Variants in CCDC178 observed in about 807,000 individuals in gnomAD.
The protein encoded by CCDC178 is coiled-coil domain containing 178.
Under a neutral mutation model 117.4 loss-of-function variants are expected in CCDC178, and 126 were observed. The ratio of observed to expected loss-of-function variants is 1.07; its 90% CI spans 0.93 to 1.24. The LOEUF (loss-of-function observed/expected upper bound fraction) is 1.24, where lower values mean the gene tolerates loss of function less well. CCDC178 is among the 50% of genes most tolerant of loss of function. The pLI, the probability that CCDC178 is intolerant of heterozygous loss-of-function variation, is 0.00. For synonymous variants in CCDC178, 283 were observed against 313.4 expected (o/e 0.90, Z 1.02); for missense variants, 1,030 against 986.9 (o/e 1.04, Z -0.59).
intron 20 of CCDC178, among the ~76,000 whole-genome samples, chr18:33,183,007 A>AT (rs1449627536): frequency 4.6e-5 from 7 of 151,884 alleles, no homozygotes; most frequent in Non-Finnish European, 1.0e-4. Flanking sequence ...TAAAGAATTT[A>AT]TTTTTCTATT....
At chr18:33,425,811 A>G (rs2064115193) in intron 2 of CCDC178, among the ~76,000 whole-genome samples, 1 of 152,190 alleles carries the variant, frequency 6.6e-6, no homozygotes, top group African/African-American at 2.4e-5. Context: ...GTCTAAGTTG[A>G]CATTTCTAGA....
chr18:32,957,272 A>G (rs2054614737), intron 22 of CCDC178, among the ~76,000 whole-genome samples: 2 of 152,216 alleles, frequency 1.3e-5, no homozygotes, highest in African/African-American at 4.8e-5. Context: ...CATATGTTTA[A>G]AAGCCTAGGA....
At chr18:33,097,040 T>C (rs955939159) in intron 20 of CCDC178, among the ~76,000 whole-genome samples, 1 of 152,148 alleles carries the variant, frequency 6.6e-6, no homozygotes, top group African/African-American at 2.4e-5. Context: ...CTCGATGTTT[T>C]TTCCAGAACT....
chr18:33,267,885 A>G (rs966825461), intron 12 of CCDC178, among the ~76,000 whole-genome samples: 29 of 151,602 alleles, frequency 1.9e-4, no homozygotes, highest in Admixed American at 1.1e-3. Context: ...GCTTTTATCT[A>G]TAAGAATAAT....
At chr18:33,204,122 G>A (rs1287935267) in intron 20 of CCDC178, among the ~76,000 whole-genome samples, 1 of 152,010 alleles carries the variant, frequency 6.6e-6, no homozygotes, top group Non-Finnish European at 1.5e-5. Context: ...AGGAATAGTG[G>A]TATCAAATTT....
intron 7 of CCDC178, among the ~76,000 whole-genome samples, chr18:33,350,080 ATT>A (rs1175651595): frequency 6.6e-6 from 1 of 151,876 alleles, no homozygotes; most frequent in Non-Finnish European, 1.5e-5. Flanking sequence ...TGAAAAGTAT[ATT>A]TTTTCTGATT....
At chr18:33,034,969 T>G (rs1200467704) in intron 21 of CCDC178, among the ~76,000 whole-genome samples, 1 of 151,950 alleles carries the variant, frequency 6.6e-6, no homozygotes, top group Non-Finnish European at 1.5e-5. Context: ...GAATAATATA[T>G]TTTTATTCCT....
intron 11 of CCDC178, among the ~76,000 whole-genome samples, chr18:33,319,642 G>C (rs1267051371): frequency 6.6e-6 from 1 of 152,148 alleles, no homozygotes; most frequent in Non-Finnish European, 1.5e-5. Context: ...GGTTGAACTA[G>C]TTTACAGTCC....
At chr18:33,214,295 A>G (rs556577928) in intron 19 of CCDC178, among the ~76,000 whole-genome samples, 1 of 152,220 alleles carries the variant, frequency 6.6e-6, no homozygotes, top group Admixed American at 6.6e-5. Flanking sequence ...ATTATTTGAC[A>G]TTATATACCA....
At chr18:33,190,038 T>TC (rs11452348) in intron 20 of CCDC178, among the ~76,000 whole-genome samples, 24,501 of 151,984 alleles carry the variant, frequency 0.16, 2,751 homozygotes, top group African/African-American at 0.32. Flanking sequence ...AGCCCTAGAC[T>TC]ACCAACCAGT....
intron 21 of CCDC178, among the ~76,000 whole-genome samples, chr18:33,084,990 TA>T (rs926981177): frequency 1.3e-5 from 2 of 152,096 alleles, no homozygotes; most frequent in Non-Finnish European, 2.9e-5. Flanking sequence ...CTTCATTCCT[TA>T]GGGCCTCTGC....
chr18:33,103,424 A>T (rs1316503222), intron 20 of CCDC178, among the ~76,000 whole-genome samples: 2 of 151,634 alleles, frequency 1.3e-5, no homozygotes, highest in East Asian at 3.9e-4. Context: ...TGCTTAATGA[A>T]GTTCCAATTT....
At chr18:33,206,869 C>T (rs2059050604) in intron 20 of CCDC178, among the ~76,000 whole-genome samples, 1 of 152,106 alleles carries the variant, frequency 6.6e-6, no homozygotes, top group Non-Finnish European at 1.5e-5. Context: ...CTAGAAGCCC[C>T]CTGATAAAAT....
chr18:33,075,380 G>T (rs2057186248), intron 21 of CCDC178, among the ~76,000 whole-genome samples: 2 of 151,994 alleles, frequency 1.3e-5, no homozygotes, highest in South Asian at 2.1e-4. Context: ...ATCTATATTT[G>T]CTGTTTGTTC....
At chr18:33,334,960 C>T (rs1224519591) in intron 9 of CCDC178, among the ~76,000 whole-genome samples, 10 of 151,924 alleles carry the variant, frequency 6.6e-5, no homozygotes, top group East Asian at 5.8e-4. Context: ...TTCTTAATGT[C>T]GTCATCACTA....
At chr18:33,057,019 GA>G (rs1359604287) in intron 21 of CCDC178, among the ~76,000 whole-genome samples, 2 of 146,418 alleles carry the variant, frequency 1.4e-5, no homozygotes, top group African/African-American at 5.0e-5. Flanking sequence ...AGTATAGACA[GA>G]AAAAAAGGAA....
intron 4 of CCDC178, among the ~76,000 whole-genome samples, chr18:33,393,794 G>A (rs139559734): frequency 6.6e-6 from 1 of 152,054 alleles, no homozygotes; most frequent in Admixed American, 6.5e-5. Context: ...TTATATGAAT[G>A]GTCTGGGATA....
At chr18:33,397,907 C>G (rs1330254597) in intron 3 of CCDC178, among the ~76,000 whole-genome samples, 1 of 151,702 alleles carries the variant, frequency 6.6e-6, no homozygotes. Context: ...TGTGGTAGTA[C>G]AAAATATTAC....
Position 33,328,082 on chromosome 18 carries a change from G to GTTTTTTTTTTTTTTTTTTTT in CCDC178, c.880-4450_880-4449insAAAAAAAAAAAAAAAAAAAA, listed in dbSNP as rs2062609334. On this transcript the variant is annotated intron_variant, in intron 10 of 22. Coordinates refer to ENST00000383096, the MANE Select transcript of CCDC178 (RefSeq NM_001105528.4). The stretch of plus-strand genomic sequence containing the variant: ...CCAAGGTCATAAAGATTTATCCCTA[G>GTTTTTTTTTTTTTTTTTTTT]ATTTTTTTTTTTTTTTTTTTTTTTT... 25 of 242,060 alleles carry GTTTTTTTTTTTTTTTTTTTT rather than the reference G, an allele frequency of 1.0e-4. 6 individuals carry two copies. The highest frequency in any genetic ancestry group is 8.2e-4 in the African/African-American group (25 of 30,392). The allele number at this position is 242,060 out of a possible 1,614,324, so 15.0% of individuals were successfully genotyped here.
Sources: allele counts gnomAD v4.1 joint callset (sites outside exome capture counted in the v4.1 genomes callset), GRCh38; gene constraint gnomAD v4.1.1; transcripts MANE v1.5; gene names NCBI Gene and HGNC (gene_info 2026-07-23, HGNC 2026-07-21).